RXFP1: variants seen among roughly 807,000 people sequenced by gnomAD.
RXFP1 encodes the protein relaxin family peptide receptor 1.
In RXFP1, 73 loss-of-function variants were observed where a neutral mutation model predicts 89.8. The ratio of observed to expected loss-of-function variants is 0.81; its 90% confidence interval spans 0.67 to 0.99. RXFP1 has a LOEUF of 0.99. RXFP1 is among the 50% of genes least tolerant of loss of function. The pLI, the probability that RXFP1 is intolerant of heterozygous loss-of-function variation, is 0.00. For missense variants in RXFP1, 793 were observed against 895.5 expected (o/e 0.89, Z 1.46); for synonymous variants, 277 against 305.5 (o/e 0.91, Z 0.97).
At chr4:158,535,710 C>T (rs1446994951) in intron 1 of RXFP1, among the ~76,000 whole-genome samples, 2 of 152,358 alleles carry the variant, frequency 1.3e-5, no homozygotes, top group Non-Finnish European at 2.9e-5. Context: ...CTATAAAATA[C>T]ACAAAATATG....
intron 15 of RXFP1, among the ~76,000 whole-genome samples, chr4:158,645,574 T>A (rs558725711): frequency 1.4e-4 from 22 of 152,336 alleles, no homozygotes; most frequent in Non-Finnish European, 2.6e-4. Flanking sequence ...CTACTAGAAG[T>A]TTTTTCCACT....
chr4:158,569,068 A>G (rs558029443), intron 1 of RXFP1, among the ~76,000 whole-genome samples: 23 of 152,348 alleles, frequency 1.5e-4, no homozygotes, highest in Middle Eastern at 3.4e-3. Context: ...TTAAAGTGTT[A>G]TAGTTAATAT....
At position 158,646,936 on chromosome 4, in the gene RXFP1, A is replaced by G. The variant is rs1448550280; in HGVS notation, c.1491A>G (p.Glu497=). 1 of 1,614,200 alleles carries G rather than the reference A, an allele frequency of 6.2e-7. No individual in the cohort carries two copies. The highest frequency in any genetic ancestry group is 1.7e-5 in the Admixed American group (1 of 60,024). The change falls in exon 16 of 18, where the codon GAA becomes GAG. Residue 497 remains glutamate (E), a synonymous_variant. Transcript: ENST00000307765. ...GATCTTTGGCCATTCTGTCCACAGAAGTATCAGTTTTACTGTTAACATTTC... is the reference window on the plus strand; with the variant it reads ...GATCTTTGGCCATTCTGTCCACAGAGGTATCAGTTTTACTGTTAACATTTC... ...LVGSLAILST[E]VSVLLLTFLT...
At position 158,651,017 on chromosome 4, in the gene RXFP1, A is replaced by C. The variant is rs147071539; in HGVS notation, c.1976-740A>C. 2.9e-3 allele frequency among the ~76,000 whole-genome samples: 445 copies of C among 152,204 alleles called. 3 individuals are homozygous for C. The highest frequency in any genetic ancestry group is 0.01 in the African/African-American group (426 of 41,534). On this transcript the variant is annotated intron_variant, in intron 17 of 17. Coordinates refer to ENST00000307765, the MANE Select transcript of RXFP1 (RefSeq NM_021634.4). Reference sequence around the variant, plus strand: ...CACATGCCTGTGGTCCCAGCTACTCAAGAGGGTGAGGTACAAGGATCGCTT... The same window carrying C: ...CACATGCCTGTGGTCCCAGCTACTCCAGAGGGTGAGGTACAAGGATCGCTT...
chr4:158,573,827 G>C (rs1374217668), intron 2 of RXFP1, among the ~76,000 whole-genome samples: 1 of 152,206 alleles, frequency 6.6e-6, no homozygotes, highest in Non-Finnish European at 1.5e-5. Flanking sequence ...AATTCAGGAA[G>C]ATTAAGGGTA....
intron 4 of RXFP1, among the ~76,000 whole-genome samples, chr4:158,603,557 C>T (rs188320313): frequency 0.028 from 4,116 of 149,296 alleles, 54 homozygotes; most frequent in Admixed American, 0.033. Context: ...ACTTTTTAGA[C>T]TTTTTTTTTT....
At chr4:158,536,689 A>G in intron 1 of RXFP1, among the ~76,000 whole-genome samples, 1 of 152,188 alleles carries the variant, frequency 6.6e-6, no homozygotes, top group East Asian at 1.9e-4. Context: ...CATGACTAGA[A>G]ATATTATAAA....
chr4:158,545,784 G>C (rs1353746042), intron 1 of RXFP1, among the ~76,000 whole-genome samples: 1 of 152,050 alleles, frequency 6.6e-6, no homozygotes, highest in East Asian at 1.9e-4. Flanking sequence ...ATTTCTGAGG[G>C]CTCTGTTCTG....
intron 2 of RXFP1, among the ~76,000 whole-genome samples, chr4:158,581,843 C>T (rs1473397848): frequency 2.0e-5 from 3 of 152,198 alleles, no homozygotes; most frequent in Admixed American, 6.5e-5. Flanking sequence ...GTTCTGCAGA[C>T]TTTCCAAAAA....
rs530687445 is a variant in RXFP1 at position 158,549,418 on chromosome 4, A to G, written c.50-23280A>G. ...TGAATTTCCTCCTGTAGTTTGGAGT[A>G]GTCTGATCGTCTGAAGCCTTCTTCT... On this transcript the variant is annotated intron_variant, in intron 1 of 17. Transcript: ENST00000307765. Among the ~76,000 whole-genome samples the G allele has an allele frequency of 4.6e-5, 7 of 152,244 alleles. No individual in the cohort carries two copies. In the South Asian group the frequency reaches 1.5e-3, roughly 32 times the overall value.
At chr4:158,634,036 T>G (rs1768639009) in intron 12 of RXFP1, among the ~76,000 whole-genome samples, 1 of 152,216 alleles carries the variant, frequency 6.6e-6, no homozygotes. Context: ...AGGTACCTAC[T>G]CTCAAAAGTA....
chr4:158,561,925 GC>G (rs892890188), intron 1 of RXFP1, among the ~76,000 whole-genome samples: 51 of 152,150 alleles, frequency 3.4e-4, no homozygotes, highest in African/African-American at 1.2e-3. Context: ...ACTGCACCCG[GC>G]CTCAACCTGT....
chr4:158,545,829 G>A (rs1465637698), intron 1 of RXFP1, among the ~76,000 whole-genome samples: 14 of 152,054 alleles, frequency 9.2e-5, no homozygotes, highest in South Asian at 2.1e-4. Context: ...TGGTACCAGT[G>A]CCATGCTGTT....
intron 2 of RXFP1, 52 bp from the exon 3 acceptor site, chr4:158,593,349 A>G (rs373690167): frequency 1.2e-5 from 13 of 1,121,448 alleles, no homozygotes; most frequent in Non-Finnish European, 1.5e-5. Context: ...CCCACAATAT[A>G]CCAGAATATC....
intron 1 of RXFP1, 54 bp from the exon 2 acceptor site, chr4:158,572,644 C>T (rs1343865599): frequency 1.3e-6 from 2 of 1,518,442 alleles, no homozygotes; most frequent in South Asian, 1.1e-5. Flanking sequence ...TGCTCTTTGC[C>T]ACGCCTTTGT....
At chr4:158,577,070 A>T (rs1756403206) in intron 2 of RXFP1, among the ~76,000 whole-genome samples, 1 of 151,052 alleles carries the variant, frequency 6.6e-6, no homozygotes, top group Non-Finnish European at 1.5e-5. Flanking sequence ...AGACAGTCTC[A>T]TTCTGTCACC....
At chr4:158,626,177 TGTAG>T (rs1766785305) in intron 9 of RXFP1, among the ~76,000 whole-genome samples, 1 of 149,096 alleles carries the variant, frequency 6.7e-6, no homozygotes, top group African/African-American at 2.5e-5. Flanking sequence ...GATAGATAGA[TGTAG>T]AGATAGAGAT....
chr4:158,540,510 T>C (rs910183318), intron 1 of RXFP1, among the ~76,000 whole-genome samples: 6 of 151,812 alleles, frequency 4.0e-5, no homozygotes, highest in Non-Finnish European at 5.9e-5. Context: ...GGCTGGCTTC[T>C]GTACCGCAAC....
At chr4:158,643,424 C>T (rs980014243) in intron 14 of RXFP1, among the ~76,000 whole-genome samples, 28 of 146,248 alleles carry the variant, frequency 1.9e-4, no homozygotes, top group African/African-American at 6.0e-4. Context: ...ATTTTCTTTT[C>T]TTTGAATAGA....
Sources: gnomAD v4.1 joint callset for allele counts (sites outside exome capture counted in the v4.1 genomes callset) on GRCh38, gnomAD v4.1.1 for gene constraint, MANE v1.5 for transcripts, NCBI Gene and HGNC (gene_info 2026-07-23, HGNC 2026-07-21) for gene names.